Variants in MRPS21 observed in about 807,000 individuals in gnomAD.
MRPS21 encodes small ribosomal subunit protein bS21m.
MRPS21 carries 8 observed loss-of-function variants against 9.9 expected under a neutral mutation model. The observed-to-expected ratio is 0.81, with a 90% CI of 0.47 to 1.45. The LOEUF (loss-of-function observed/expected upper bound fraction) is 1.45, where lower values mean the gene tolerates loss of function less well. MRPS21 is among the 40% of genes most tolerant of loss of function. The pLI is 0.00. For synonymous variants in MRPS21, 40 were observed against 40.3 expected, an observed-to-expected ratio of 0.99 and a Z score of 0.03; for missense variants, 101 against 118.9, an observed-to-expected ratio of 0.85 and a Z score of 0.70.
At chr1:150,299,379 T>C (rs998696961) in intron 2 of MRPS21, among the ~76,000 whole-genome samples, 37 of 152,194 alleles carry the variant, frequency 2.4e-4, no homozygotes, top group Admixed American at 2.0e-3. Flanking sequence ...AAAATCCTTG[T>C]CCAGCCACTA....
intron 2 of MRPS21, among the ~76,000 whole-genome samples, chr1:150,294,997 T>C (rs1389619508): frequency 9.0e-6 from 1 of 111,116 alleles, no homozygotes; most frequent in Admixed American, 8.6e-5. Context: ...TTAATTTTAA[T>C]TTTTTTTTTT....
intron 2 of MRPS21, among the ~76,000 whole-genome samples, chr1:150,303,506 C>A (rs1654218874): frequency 6.6e-6 from 1 of 152,150 alleles, no homozygotes; most frequent in South Asian, 2.1e-4. Context: ...TTCACTCCCT[C>A]TTTTACCCAT....
chr1:150,307,684 T>C (rs1553858760), intron 2 of MRPS21, among the ~76,000 whole-genome samples: 2 of 152,152 alleles, frequency 1.3e-5, no homozygotes, highest in Non-Finnish European at 2.9e-5. Context: ...GCTCAAGTGA[T>C]GCTCCCACCT....
chr1:150,304,875 A>C (rs1225515570), intron 2 of MRPS21: 1 of 249,808 alleles, frequency 4.0e-6, no homozygotes, highest in Non-Finnish European at 8.1e-6. Context: ...ACATGGCGAA[A>C]CCTTATGTCT....
chr1:150,300,731 A>C (rs1654084568), intron 2 of MRPS21, among the ~76,000 whole-genome samples: 1 of 152,186 alleles, frequency 6.6e-6, no homozygotes, highest in Non-Finnish European at 1.5e-5. Context: ...TTGTCCAGAA[A>C]CTTGTATCCT....
chr1:150,296,200 G>A lies in MRPS21; in HGVS notation c.83+1751G>A, dbSNP rs879966749. ...CTTGACCTCGTGATCCACCCGCCTTGGCCTCCCAAAGTGCTGGGATTACAG... is the reference window on the plus strand; with the variant it reads ...CTTGACCTCGTGATCCACCCGCCTTAGCCTCCCAAAGTGCTGGGATTACAG... On this transcript the variant is annotated intron_variant, in intron 2 of 2. Transcript: ENST00000614145. 5.3e-5 allele frequency among the ~76,000 whole-genome samples: 8 copies of A among 152,036 alleles called. No individual in the cohort carries two copies. The East Asian group carries it at 9.6e-4, about 18-fold the overall frequency.
intron 2 of MRPS21, among the ~76,000 whole-genome samples, chr1:150,301,762 C>T (rs587744160): frequency 6.6e-6 from 1 of 152,062 alleles, no homozygotes; most frequent in South Asian, 2.1e-4. Flanking sequence ...CCTGCCACCA[C>T]GTCCGGCTAA....
chr1:150,299,414 G>C (rs1447206478), intron 2 of MRPS21, among the ~76,000 whole-genome samples: 4 of 115,662 alleles, frequency 3.5e-5, no homozygotes, highest in African/African-American at 6.7e-5. Context: ...TCAACACTCA[G>C]TTTTTGCTTT....
intron 2 of MRPS21, 26 bp downstream of exon 2, chr1:150,294,475 G>A (rs1553856210): frequency 1.3e-6 from 2 of 1,575,086 alleles, no homozygotes; most frequent in Admixed American, 1.7e-5. Flanking sequence ...CCAGAATCAT[G>A]CCTAGACTCT....
At chr1:150,302,413 AC>A (rs1654175105) in intron 2 of MRPS21, among the ~76,000 whole-genome samples, 1 of 152,138 alleles carries the variant, frequency 6.6e-6, no homozygotes, top group Non-Finnish European at 1.5e-5. Context: ...AAAGGTGAGT[AC>A]ACTGGAAGCA....
At chr1:150,302,555 C>T (rs782470148) in intron 2 of MRPS21, among the ~76,000 whole-genome samples, 5 of 152,178 alleles carry the variant, frequency 3.3e-5, no homozygotes, top group African/African-American at 4.8e-5. Flanking sequence ...TCCCCCCGCT[C>T]CAGGCAGCTT....
intron 2 of MRPS21, among the ~76,000 whole-genome samples, chr1:150,301,574 G>T (rs1204019205): frequency 2.0e-5 from 3 of 152,092 alleles, no homozygotes; most frequent in Admixed American, 2.0e-4. Context: ...CGCGGGGCAG[G>T]GGGGAAATGA....
intron 2 of MRPS21, among the ~76,000 whole-genome samples, chr1:150,302,784 T>TA (rs1553857898): frequency 2.0e-5 from 3 of 152,166 alleles, no homozygotes; most frequent in Non-Finnish European, 1.5e-5. Context: ...CCTTTTCTGT[T>TA]AGAGGTAAAG....
At chr1:150,305,315 A>G (rs911925225) in intron 2 of MRPS21, among the ~76,000 whole-genome samples, 7 of 152,114 alleles carry the variant, frequency 4.6e-5, no homozygotes, top group African/African-American at 1.7e-4. Context: ...CTGGGATTAC[A>G]GGTGTGAGCC....
At chr1:150,297,303 G>GA (rs1200334247) in intron 2 of MRPS21, among the ~76,000 whole-genome samples, 150,458 of 150,490 alleles carry the variant, frequency 1, 75,213 homozygotes, top group Middle Eastern at 1. Context: ...AAAAAAAAAA[G>GA]AAAAAATGCT....
Position 150,308,021 on chromosome 1 carries a change from C to G in MRPS21, c.84-27C>G, listed in dbSNP as rs781869566. On this transcript the variant is annotated intron_variant, in intron 2 of 2. Coordinates refer to ENST00000614145, the MANE Select transcript of MRPS21 (RefSeq NM_031901.6). ...AAAGAATAATGATGATCCCAAATGTCTAACCTCATTGCTTGCCTTTATACA... is the reference window on the plus strand; with the variant it reads ...AAAGAATAATGATGATCCCAAATGTGTAACCTCATTGCTTGCCTTTATACA... The G allele has an allele frequency of 1.9e-6, 3 of 1,539,064 alleles. No individual in the cohort carries two copies. The Admixed American group carries it at 5.4e-5, about 28-fold the overall frequency.
At chr1:150,305,541 T>C (rs1198879097) in intron 2 of MRPS21, among the ~76,000 whole-genome samples, 1 of 152,142 alleles carries the variant, frequency 6.6e-6, no homozygotes, top group African/African-American at 2.4e-5. Context: ...TGTAGGATGC[T>C]TGGAGAACTG....
Position 150,308,298 on chromosome 1 carries a change from T to G in MRPS21, c.*70T>G. 1.5e-5 allele frequency: 22 copies of G among 1,437,890 alleles called. No individual in the cohort carries two copies. Among genetic ancestry groups the G allele is most frequent in the Non-Finnish European group, 1.9e-5 (20 of 1,055,052 alleles). 89.1% of individuals were successfully genotyped at this position (1,437,890 alleles called of 1,614,324 possible). A position where few individuals can be genotyped will look rare whatever the true frequency, so the allele number is the denominator to read the frequency against. On this transcript the variant is annotated 3_prime_UTR_variant, in exon 3 of 3. Transcript: ENST00000614145. ...CTCTCCATCTCTTTTCTTTGTACAA[T>G]CCCATTTCCTATTACCATTCTCTGC...
At chr1:150,303,710 G>C (rs1196247896) in intron 2 of MRPS21, among the ~76,000 whole-genome samples, 2 of 152,192 alleles carry the variant, frequency 1.3e-5, no homozygotes, top group Non-Finnish European at 2.9e-5. Context: ...AATTTCATAG[G>C]AGTGTAGTTA....
Sources: gnomAD v4.1 joint callset for allele counts (sites outside exome capture counted in the v4.1 genomes callset) on GRCh38, gnomAD v4.1.1 for gene constraint, MANE v1.5 for transcripts, NCBI Gene and HGNC (gene_info 2026-07-23, HGNC 2026-07-21) for gene names.